INPP5A: variants seen among roughly 807,000 people sequenced by gnomAD.
INPP5A encodes the protein 43 kDa inositol polyphosphate 5-phophatase.
INPP5A carries 14 observed loss-of-function variants against 65.2 expected under a neutral mutation model. That is an observed-to-expected ratio of 0.21 (90% CI 0.14 to 0.34). The LOEUF (loss-of-function observed/expected upper bound fraction) is 0.34, where lower values mean the gene tolerates loss of function less well. Ranked by LOEUF, INPP5A falls within the 10% of genes least tolerant of loss-of-function variation. The probability of loss-of-function intolerance (pLI) is 1.00; values close to 1 mark genes in which losing one functional copy is unlikely to be tolerated. For missense variants in INPP5A, 431 were observed against 545.6 expected (o/e 0.79, Z 2.09); for synonymous variants, 207 against 208.3 (o/e 0.99, Z 0.05).
At chr10:132,638,599 G>A (rs190914992) in intron 2 of INPP5A, among the ~76,000 whole-genome samples, 10 of 152,130 alleles carry the variant, frequency 6.6e-5, no homozygotes, top group East Asian at 3.9e-4. Flanking sequence ...ACAGAATGTC[G>A]CTCTGTCACC....
intron 11 of INPP5A, among the ~76,000 whole-genome samples, chr10:132,759,425 G>A (rs1846690340): frequency 6.6e-6 from 1 of 152,254 alleles, no homozygotes; most frequent in African/African-American, 2.4e-5. Flanking sequence ...CTTGCAAAGG[G>A]TGCACAGGCC....
chr10:132,716,502 G>T (rs1845742292), intron 8 of INPP5A, among the ~76,000 whole-genome samples: 1 of 152,238 alleles, frequency 6.6e-6, no homozygotes, highest in South Asian at 2.1e-4. Flanking sequence ...TCGGTCATGG[G>T]ACTCGCTGCC....
rs920394986 is a variant in INPP5A, at chr10:132,590,617, C to T, written c.76-17298C>T. ...GGGTCCTCGGTGCAGTGATCTCAAG[C>T]GTCGCGTCTAGAATCACCGCACCCC... On this transcript the variant is annotated intron_variant, in intron 1 of 15. Transcript: ENST00000368594. 7.9e-5 allele frequency among the ~76,000 whole-genome samples: 12 copies of T among 152,198 alleles called. 1 individual carries two copies. Among genetic ancestry groups the T allele is most frequent in the Admixed American group, 5.9e-4 (9 of 15,272 alleles).
chr10:132,682,154 G>C (rs1466642661), intron 4 of INPP5A, among the ~76,000 whole-genome samples: 1 of 151,802 alleles, frequency 6.6e-6, no homozygotes, highest in Non-Finnish European at 1.5e-5. Context: ...CAGCGTCCTG[G>C]AGGTGGGAAG....
chr10:132,611,678 A>G (rs1590867180), intron 2 of INPP5A, among the ~76,000 whole-genome samples: 1 of 108,924 alleles, frequency 9.2e-6, no homozygotes, highest in African/African-American at 3.6e-5. Flanking sequence ...CTGTCAGGGG[A>G]GGGTGAGGGA....
intron 1 of INPP5A, among the ~76,000 whole-genome samples, chr10:132,577,200 G>T (rs752720876): frequency 6.6e-6 from 1 of 152,186 alleles, no homozygotes; most frequent in Non-Finnish European, 1.5e-5. Flanking sequence ...GGGTCGTGGT[G>T]CCCTGAGTGC....
chr10:132,764,666 G>C (rs945200988), intron 11 of INPP5A, among the ~76,000 whole-genome samples: 2 of 135,900 alleles, frequency 1.5e-5, no homozygotes, highest in Admixed American at 7.5e-5. Flanking sequence ...GGTGTGCGTG[G>C]TGACACTCAG....
intron 11 of INPP5A, among the ~76,000 whole-genome samples, chr10:132,751,580 G>C (rs1846477970): frequency 6.6e-6 from 1 of 152,252 alleles, no homozygotes; most frequent in African/African-American, 2.4e-5. Flanking sequence ...TGGGGAGCAG[G>C]GAGAGCCTGG....
chr10:132,773,753 C>T (rs913358418), intron 12 of INPP5A, among the ~76,000 whole-genome samples: 1 of 152,160 alleles, frequency 6.6e-6, no homozygotes, highest in African/African-American at 2.4e-5. Flanking sequence ...GAGCTTTTGT[C>T]CCTCGAGATA....
chr10:132,717,372 G>A (rs1035072896), intron 8 of INPP5A, among the ~76,000 whole-genome samples: 5 of 151,486 alleles, frequency 3.3e-5, no homozygotes. Context: ...GGTTGGTCAA[G>A]GAGCTTCCTC....
At chr10:132,666,163 T>C (rs542741193) in intron 4 of INPP5A, among the ~76,000 whole-genome samples, 1 of 135,058 alleles carries the variant, frequency 7.4e-6, no homozygotes, top group South Asian at 2.6e-4. Flanking sequence ...CTTCCTCCCA[T>C]GTCGTGACTG....
intron 9 of INPP5A, among the ~76,000 whole-genome samples, chr10:132,731,199 CAG>C (rs1165508842): frequency 6.6e-6 from 1 of 152,208 alleles, no homozygotes; most frequent in Non-Finnish European, 1.5e-5. Flanking sequence ...GGTGAGAGGT[CAG>C]AGAACAGAGA....
intron 8 of INPP5A, among the ~76,000 whole-genome samples, chr10:132,725,667 C>T (rs1315131644): frequency 1.3e-5 from 2 of 152,230 alleles, no homozygotes; most frequent in Non-Finnish European, 2.9e-5. Flanking sequence ...GTGACCTGCC[C>T]GGGCTGGCAC....
rs146976508 is a variant in INPP5A at position 132,707,789 on chromosome 10, G to C, written c.475-524G>C. 6.6e-6 allele frequency among the ~76,000 whole-genome samples: 1 copy of C among 151,794 alleles called. No homozygotes were observed. Among genetic ancestry groups the C allele is most frequent in the Non-Finnish European group, 1.5e-5 (1 of 67,868 alleles). On this transcript the variant is annotated intron_variant, in intron 6 of 15. Coordinates refer to ENST00000368594, the MANE Select transcript of INPP5A (RefSeq NM_005539.5). This position sits in a 1 kb window ranked among gnomAD's most constrained non-coding sequence, Gnocchi z 5.5. Reference sequence around the variant, plus strand: ...GTGGTGGGGATCAGTGAGAGGCATCGGTGGGTGAGAGGCATCGGTGGGTGA... The same window carrying C: ...GTGGTGGGGATCAGTGAGAGGCATCCGTGGGTGAGAGGCATCGGTGGGTGA...
chr10:132,714,277 C>T (rs974426688), intron 8 of INPP5A, among the ~76,000 whole-genome samples: 8 of 152,310 alleles, frequency 5.3e-5, no homozygotes, highest in African/African-American at 1.9e-4. Flanking sequence ...ACCTCCGCGG[C>T]GTGGGGCGGG....
intron 8 of INPP5A, among the ~76,000 whole-genome samples, chr10:132,718,312 G>A (rs1845783514): frequency 6.7e-6 from 1 of 148,688 alleles, no homozygotes. Flanking sequence ...TGTCTTCAGG[G>A]TTCTGTGGTA....
intron 4 of INPP5A, among the ~76,000 whole-genome samples, chr10:132,658,835 G>A (rs2072695754): frequency 6.6e-6 from 1 of 152,048 alleles, no homozygotes; most frequent in Admixed American, 6.6e-5. Flanking sequence ...CGCCGAGACT[G>A]CCAAGACCAC....
chr10:132,602,349 G>T (rs1331810612), intron 1 of INPP5A, among the ~76,000 whole-genome samples: 3 of 152,224 alleles, frequency 2.0e-5, no homozygotes, highest in Admixed American at 1.3e-4. Context: ...AGGCTGAAGT[G>T]CAGTGACACA....
chr10:132,719,462 A>C (rs529132524), intron 8 of INPP5A, among the ~76,000 whole-genome samples: 2 of 45,774 alleles, frequency 4.4e-5, no homozygotes, highest in East Asian at 8.4e-4. Flanking sequence ...CTGTCTGGGC[A>C]CCTTAGACGG....
Sources: gnomAD v4.1 joint callset for allele counts (sites outside exome capture counted in the v4.1 genomes callset) on GRCh38, gnomAD v4.1.1 for gene constraint, Gnocchi (gnomAD v3.1) non-coding constraint, MANE v1.5 for transcripts, NCBI Gene and HGNC (gene_info 2026-07-23, HGNC 2026-07-21) for gene names.